The following RNFT2 variants were observed in gnomAD, a reference collection of about 807,000 sequenced individuals.
The protein encoded by RNFT2 is ring finger protein, transmembrane 2, also known as E3 ubiquitin-protein ligase RNFT2.
A neutral mutation model predicts 53.0 loss-of-function variants in RNFT2; 36 were observed. The observed-to-expected ratio is 0.68, with a 90% CI of 0.52 to 0.90. RNFT2 has a LOEUF of 0.90. RNFT2 is among the 40% of genes least tolerant of loss of function. The probability of loss-of-function intolerance (pLI) is 0.00; values close to 1 mark genes in which losing one functional copy is unlikely to be tolerated. For synonymous variants in RNFT2, 260 were observed against 253.2 expected, an observed-to-expected ratio of 1.03 and a Z score of -0.26; for missense variants, 514 against 585.6, an observed-to-expected ratio of 0.88 and a Z score of 1.26.
chr12:116,806,234 G>A (rs533574750), intron 7 of RNFT2, among the ~76,000 whole-genome samples: 10 of 151,942 alleles, frequency 6.6e-5, no homozygotes, highest in African/African-American at 2.2e-4. Flanking sequence ...GCCAGGCATG[G>A]TGGTGCATGC....
chr12:116,747,272 T>G (rs1871945184), intron 3 of RNFT2, among the ~76,000 whole-genome samples: 1 of 152,040 alleles, frequency 6.6e-6, no homozygotes, highest in Admixed American at 6.5e-5. Context: ...CCCAGGCTGG[T>G]CTTGAACTCC....
chr12:116,760,880 T>G (rs909883391), intron 5 of RNFT2, among the ~76,000 whole-genome samples: 1 of 152,166 alleles, frequency 6.6e-6, no homozygotes, highest in African/African-American at 2.4e-5. Context: ...ACCTCTTCTT[T>G]TATTTCATAA....
At chr12:116,794,373 G>A (rs1362901102) in intron 7 of RNFT2, among the ~76,000 whole-genome samples, 6 of 152,032 alleles carry the variant, frequency 3.9e-5, no homozygotes, top group East Asian at 1.9e-4. Context: ...CAAGGCAGGC[G>A]GATCCCTTGA....
intron 6 of RNFT2, among the ~76,000 whole-genome samples, chr12:116,773,590 G>C (rs1450144620): frequency 2.6e-5 from 4 of 152,340 alleles, no homozygotes; most frequent in Middle Eastern, 6.8e-3. Context: ...GCAGAGTCCA[G>C]TGGGGATGTG....
intron 7 of RNFT2, among the ~76,000 whole-genome samples, chr12:116,826,890 TA>T (rs1876365728): frequency 6.6e-6 from 1 of 152,284 alleles, no homozygotes; most frequent in East Asian, 1.9e-4. Context: ...GGATGGATAG[TA>T]AAAATAATTT....
At chr12:116,775,130 C>T (rs1050252666) in intron 6 of RNFT2, among the ~76,000 whole-genome samples, 1 of 151,956 alleles carries the variant, frequency 6.6e-6, no homozygotes, top group Non-Finnish European at 1.5e-5. Flanking sequence ...TGTGGTGGCA[C>T]ATGCCTGTAA....
At chr12:116,773,692 G>A (rs1873299106) in intron 6 of RNFT2, among the ~76,000 whole-genome samples, 3 of 152,172 alleles carry the variant, frequency 2.0e-5, no homozygotes, top group Admixed American at 2.0e-4. Flanking sequence ...GGAAGAATCT[G>A]TAGAGGGTGT....
rs1415106299 is a variant in RNFT2, at chr12:116,772,613, A to G, written c.728+5699A>G. Among the ~76,000 whole-genome samples the G allele has an allele frequency of 2.6e-5, 4 of 151,992 alleles. No homozygotes were observed. In the East Asian group the frequency reaches 7.8e-4, roughly 30 times the overall value. On this transcript the variant is annotated intron_variant, in intron 6 of 10. Transcript: ENST00000257575. ...AGCCATTGCGCCCAGCCCAAAAGTA[A>G]TTTATTTTTAATTGTGAAAATTGGA...
At chr12:116,794,359 A>G (rs1387652171) in intron 7 of RNFT2, among the ~76,000 whole-genome samples, 2 of 152,018 alleles carry the variant, frequency 1.3e-5, no homozygotes, top group Admixed American at 6.6e-5. Flanking sequence ...GCACTTTGGG[A>G]GGCCAAGGCA....
intron 6 of RNFT2, among the ~76,000 whole-genome samples, chr12:116,776,391 G>A (rs1039761134): frequency 2.0e-5 from 3 of 152,164 alleles, no homozygotes; most frequent in African/African-American, 7.2e-5. Flanking sequence ...TTGGCAGAGT[G>A]TGGAAATCCA....
At chr12:116,784,626 C>T (rs766004930) in intron 7 of RNFT2, among the ~76,000 whole-genome samples, 1 of 152,196 alleles carries the variant, frequency 6.6e-6, no homozygotes, top group Non-Finnish European at 1.5e-5. Context: ...TGTTCTAGAT[C>T]TCAGAGTGTA....
rs768292012 is a variant in RNFT2, at chr12:116,753,958, ACAT to A, written c.551-23_551-21del. The A allele has an allele frequency of 6.9e-6, 11 of 1,604,506 alleles. No individual in the cohort carries two copies. The African/African-American group carries it at 1.1e-4, about 16-fold the overall frequency. On this transcript the variant is annotated intron_variant, in intron 4 of 10. Transcript: ENST00000257575. The stretch of plus-strand genomic sequence containing the variant: ...TAGGCCTGATGAGTCTAAGTGGGTG[ACAT>A]CAGGCCCTTCTCTGTCCCACAGGCA...
chr12:116,852,999 AG>A lies in RNFT2; in HGVS notation c.*3555del. 2.0e-6 allele frequency: 1 copy of A among 497,992 alleles called. No homozygotes were observed. The highest frequency in any genetic ancestry group is 3.5e-6 in the Non-Finnish European group (1 of 285,730). 30.8% of individuals were successfully genotyped at this position (497,992 alleles called of 1,614,324 possible). A position where few individuals can be genotyped will look rare whatever the true frequency, so the allele number is the denominator to read the frequency against. On this transcript the variant is annotated 3_prime_UTR_variant, in exon 11 of 11. Transcript: ENST00000257575. ...AGAATGTAACATGTGGGGGACACAC[AG>A]GGGCAGATGGGATGGTTTAGTTTAG...
At chr12:116,764,572 T>A (rs1872830455) in intron 5 of RNFT2, among the ~76,000 whole-genome samples, 1 of 152,178 alleles carries the variant, frequency 6.6e-6, no homozygotes, top group South Asian at 2.1e-4. Flanking sequence ...ATCTTCTTTA[T>A]GCAAACTCCT....
chr12:116,806,784 G>T (rs1468625614), intron 7 of RNFT2, among the ~76,000 whole-genome samples: 1 of 149,622 alleles, frequency 6.7e-6, no homozygotes, highest in African/African-American at 2.5e-5. Flanking sequence ...TGATCAAAAA[G>T]CATTTGATTT....
rs199510882 is a variant in RNFT2 at position 116,741,529 on chromosome 12, T to G, written c.83+435T>G. On this transcript the variant is annotated intron_variant, in intron 3 of 10. Transcript: ENST00000257575. ...TGGCCATTCTTTTGCTATGTCTTAA[T>G]GTGGTGAAGGGAAAGGGATCTCTCT... 2.6e-5 allele frequency among the ~76,000 whole-genome samples: 4 copies of G among 152,338 alleles called. No homozygotes were observed. In the East Asian group the frequency reaches 5.8e-4, roughly 22 times the overall value.
At chr12:116,843,980 G>C (rs779575246) in intron 10 of RNFT2, among the ~76,000 whole-genome samples, 10 of 152,180 alleles carry the variant, frequency 6.6e-5, no homozygotes, top group Non-Finnish European at 1.2e-4. Flanking sequence ...TAGAGGGCAG[G>C]GCAGATGTTG....
intron 3 of RNFT2, among the ~76,000 whole-genome samples, chr12:116,743,327 T>C (rs1871737044): frequency 6.8e-6 from 1 of 147,982 alleles, no homozygotes; most frequent in Non-Finnish European, 1.5e-5. Flanking sequence ...AGTGCAGTAG[T>C]ACAATCTCAG....
At position 116,849,311 on chromosome 12, in the gene RNFT2, C is replaced by T. The variant is rs1426506306; in HGVS notation, c.1201-3C>T. On this transcript the variant is annotated splice_polypyrimidine_tract_variant and splice_region_variant and intron_variant, in intron 10 of 10. Transcript: ENST00000257575. ...TGGTGCCTGCTGATTGCTGTCCCCGCAGCACGTGTTCTGTGAGGAGTGCCT... is the reference window on the plus strand; with the variant it reads ...TGGTGCCTGCTGATTGCTGTCCCCGTAGCACGTGTTCTGTGAGGAGTGCCT... The T allele has an allele frequency of 6.5e-7, 1 of 1,536,440 alleles. No individual in the cohort carries two copies. Among genetic ancestry groups the T allele is most frequent in the Admixed American group, 2.0e-5 (1 of 50,902 alleles).
Sources: allele counts gnomAD v4.1 joint callset (sites outside exome capture counted in the v4.1 genomes callset), GRCh38; gene constraint gnomAD v4.1.1; transcripts MANE v1.5; gene names NCBI Gene and HGNC (gene_info 2026-07-23, HGNC 2026-07-21).